Variants in CDK14 observed in about 807,000 individuals in gnomAD.
CDK14 encodes cyclin-dependent kinase 14.
In CDK14, 34 loss-of-function variants were observed where a neutral mutation model predicts 60.7. That is an observed-to-expected ratio of 0.56 (90% CI 0.43 to 0.75). The LOEUF (loss-of-function observed/expected upper bound fraction) is 0.75. Ranked by LOEUF, CDK14 falls within the 30% of genes least tolerant of loss-of-function variation. The probability of loss-of-function intolerance (pLI) is 0.00; values close to 1 mark genes in which losing one functional copy is unlikely to be tolerated. For synonymous variants in CDK14, 197 were observed against 203.7 expected (o/e 0.97, Z 0.28); for missense variants, 482 against 564.1 (o/e 0.85, Z 1.47).
chr7:90,877,560 G>A (rs965945012), intron 6 of CDK14, among the ~76,000 whole-genome samples: 1 of 152,054 alleles, frequency 6.6e-6, no homozygotes, highest in African/African-American at 2.4e-5. Context: ...CCCTTGTTAG[G>A]GACATTTGGA....
At chr7:91,013,000 G>GGCA (rs1027397231) in intron 10 of CDK14, among the ~76,000 whole-genome samples, 16 of 152,218 alleles carry the variant, frequency 1.1e-4, no homozygotes, top group African/African-American at 3.1e-4. Flanking sequence ...GCACTAGTGG[G>GGCA]GCAGAATTTT....
chr7:90,782,669 C>T (rs1024942945), intron 4 of CDK14, among the ~76,000 whole-genome samples: 1 of 152,066 alleles, frequency 6.6e-6, no homozygotes, highest in Non-Finnish European at 1.5e-5. Flanking sequence ...CTCATAGTCT[C>T]TCCATTAATA....
At chr7:90,943,518 C>T (rs1302312835) in intron 8 of CDK14, among the ~76,000 whole-genome samples, 1 of 152,070 alleles carries the variant, frequency 6.6e-6, no homozygotes, top group Non-Finnish European at 1.5e-5. Flanking sequence ...ATTGATTAGT[C>T]AGGAAAGTGG....
intron 2 of CDK14, among the ~76,000 whole-genome samples, chr7:90,706,473 A>G (rs527674549): frequency 8.5e-4 from 129 of 152,308 alleles, no homozygotes; most frequent in African/African-American, 2.8e-3. Context: ...GGGCTGGGGA[A>G]ACACAGGAGA....
chr7:90,638,167 G>C (rs1449820478), intron 2 of CDK14, among the ~76,000 whole-genome samples: 1 of 152,050 alleles, frequency 6.6e-6, no homozygotes, highest in Non-Finnish European at 1.5e-5. Context: ...ATTTGATCCT[G>C]CCATTATGAT....
At chr7:91,091,128 G>A (rs369960044) in intron 12 of CDK14, among the ~76,000 whole-genome samples, 1 of 151,324 alleles carries the variant, frequency 6.6e-6, no homozygotes, top group Non-Finnish European at 1.5e-5. Flanking sequence ...AGGTGTGGTG[G>A]CTTAAGCCTG....
intron 2 of CDK14, among the ~76,000 whole-genome samples, chr7:90,637,108 A>G (rs954076302): frequency 5.3e-5 from 8 of 152,072 alleles, no homozygotes; most frequent in Non-Finnish European, 1.0e-4. Context: ...TTAATTTTTT[A>G]AAGGGTTTTC....
intron 4 of CDK14, among the ~76,000 whole-genome samples, chr7:90,786,797 T>C (rs1423677338): frequency 6.6e-6 from 1 of 151,510 alleles, no homozygotes; most frequent in East Asian, 2.0e-4. Context: ...CATGGCTCTG[T>C]AGTCTCAGCT....
intron 12 of CDK14, 39 bp downstream of exon 12, chr7:91,079,519 C>A (rs199778971): frequency 7.2e-7 from 1 of 1,385,996 alleles, no homozygotes; most frequent in Non-Finnish European, 1.0e-6. Context: ...CTCTTTCTTT[C>A]TCTTTTAATA....
chr7:90,639,489 G>A (rs1800259841), intron 2 of CDK14, among the ~76,000 whole-genome samples: 1 of 152,014 alleles, frequency 6.6e-6, no homozygotes, highest in South Asian at 2.1e-4. Flanking sequence ...TCCTCTGGAA[G>A]TTTTGTCTCA....
chr7:90,839,020 A>G (rs1355797997), intron 5 of CDK14, among the ~76,000 whole-genome samples: 1 of 152,162 alleles, frequency 6.6e-6, no homozygotes, highest in Admixed American at 6.5e-5. Flanking sequence ...CGGTCCTACC[A>G]ATATGTGATG....
intron 14 of CDK14, among the ~76,000 whole-genome samples, chr7:91,155,537 C>A (rs1167403736): frequency 6.6e-6 from 1 of 152,168 alleles, no homozygotes; most frequent in African/African-American, 2.4e-5. Flanking sequence ...TTTAAGAAAA[C>A]TTGTGAAGCA....
At chr7:90,825,441 G>C (rs1320297867) in intron 5 of CDK14, among the ~76,000 whole-genome samples, 1 of 152,176 alleles carries the variant, frequency 6.6e-6, no homozygotes, top group Non-Finnish European at 1.5e-5. Context: ...GCCCATGAAA[G>C]TCAGTAACAC....
At chr7:90,994,695 G>A (rs1795631941) in intron 10 of CDK14, among the ~76,000 whole-genome samples, 3 of 152,202 alleles carry the variant, frequency 2.0e-5, no homozygotes, top group Admixed American at 1.3e-4. Context: ...TAAATATAAA[G>A]CATGAATTGT....
chr7:90,842,436 A>C lies in CDK14; in HGVS notation c.545-20739A>C, dbSNP rs114340889. On this transcript the variant is annotated intron_variant, in intron 5 of 14. Coordinates refer to ENST00000380050, the MANE Select transcript of CDK14 (RefSeq NM_001287135.2). ...CAGTGAGAATGTGCACCAGAAAGTG[A>C]TCTGGTACTGCAGCCTAGGAAAATA... is the stretch of plus-strand genomic sequence containing the variant. Among the ~76,000 whole-genome samples, 1,276 of 152,288 alleles carry C rather than the reference A, an allele frequency of 8.4e-3. 25 individuals carry two copies. Among genetic ancestry groups the C allele is most frequent in the African/African-American group, 0.027 (1,108 of 41,564 alleles).
intron 12 of CDK14, among the ~76,000 whole-genome samples, chr7:91,089,454 C>G (rs1733176279): frequency 6.6e-6 from 1 of 152,074 alleles, no homozygotes; most frequent in Non-Finnish European, 1.5e-5. Flanking sequence ...ACCTCCTCCC[C>G]TCTTTTTCAT....
chr7:90,825,321 G>A (rs933672031), intron 5 of CDK14, among the ~76,000 whole-genome samples: 1 of 152,166 alleles, frequency 6.6e-6, no homozygotes, highest in African/African-American at 2.4e-5. Context: ...AATGGAGGAT[G>A]CCTCCAGTCT....
chr7:91,158,507 A>G (rs917638753), intron 14 of CDK14, among the ~76,000 whole-genome samples: 1 of 152,110 alleles, frequency 6.6e-6, no homozygotes, highest in Non-Finnish European at 1.5e-5. Context: ...CAAACATAGA[A>G]ATTTTTGACA....
intron 4 of CDK14, among the ~76,000 whole-genome samples, chr7:90,778,749 G>A (rs1195694640): frequency 3.3e-5 from 5 of 151,402 alleles, no homozygotes; most frequent in Middle Eastern, 6.9e-3. Context: ...CTGAGCTTTT[G>A]TGCAGGTTGT....
Sources: gnomAD v4.1 joint callset for allele counts (sites outside exome capture counted in the v4.1 genomes callset) on GRCh38, gnomAD v4.1.1 for gene constraint, MANE v1.5 for transcripts, NCBI Gene and HGNC (gene_info 2026-07-23, HGNC 2026-07-21) for gene names.